IFRD1: variants seen among roughly 807,000 people sequenced by gnomAD.
The protein encoded by IFRD1 is interferon-related developmental regulator 1.
A neutral mutation model predicts 52.9 loss-of-function variants in IFRD1; 35 were observed. That is an observed-to-expected ratio of 0.66 (90% CI 0.51 to 0.88). The LOEUF (loss-of-function observed/expected upper bound fraction) is 0.88, where lower values mean the gene tolerates loss of function less well. IFRD1 is among the 40% of genes least tolerant of loss of function. The probability of loss-of-function intolerance (pLI) is 0.00; values close to 1 mark genes in which losing one functional copy is unlikely to be tolerated. For missense variants in IFRD1, 517 were observed against 550.8 expected, an observed-to-expected ratio of 0.94 and a Z score of 0.61; for synonymous variants, 184 against 188.4, an observed-to-expected ratio of 0.98 and a Z score of 0.19.
At chr7:112,473,645 G>C (rs570522481) in intron 11 of IFRD1, among the ~76,000 whole-genome samples, 3 of 151,932 alleles carry the variant, frequency 2.0e-5, no homozygotes, top group Non-Finnish European at 2.9e-5. Flanking sequence ...GGCTAGTCTC[G>C]AACTCCTGAC....
chr7:112,475,385 AT>A (rs1795874448), intron 11 of IFRD1, 44 bp from the exon 12 acceptor site: 1 of 1,065,236 alleles, frequency 9.4e-7, no homozygotes, highest in African/African-American at 1.6e-5. Flanking sequence ...TTGTAAGAAT[AT>A]CTTAAGTCTT....
chr7:112,428,118 C>A (rs1794467357), intron 1 of IFRD1, among the ~76,000 whole-genome samples: 1 of 152,146 alleles, frequency 6.6e-6, no homozygotes, highest in South Asian at 2.1e-4. Context: ...GAACCAAAAA[C>A]CCAGATGTAA....
intron 1 of IFRD1, among the ~76,000 whole-genome samples, chr7:112,428,020 C>G (rs935189354): frequency 6.6e-6 from 1 of 151,948 alleles, no homozygotes; most frequent in Non-Finnish European, 1.5e-5. Context: ...ATGAAGACCC[C>G]CAGGAAAAGG....
chr7:112,460,925 A>G (rs553425215), intron 5 of IFRD1, among the ~76,000 whole-genome samples: 1 of 152,318 alleles, frequency 6.6e-6, no homozygotes, highest in Admixed American at 6.5e-5. Context: ...TTCTATTTTT[A>G]TATGGATTAA....
At chr7:112,460,954 C>T (rs1416204905) in intron 5 of IFRD1, among the ~76,000 whole-genome samples, 2 of 152,120 alleles carry the variant, frequency 1.3e-5, no homozygotes, top group African/African-American at 2.4e-5. Context: ...AACAAATGTT[C>T]TGAGAATTGA....
rs2117347784 is a variant in IFRD1 at position 112,476,792 on chromosome 7, C to T, written c.*1273C>T. 1 of 152,300 alleles carries T rather than the reference C, an allele frequency of 6.6e-6. No homozygotes were observed. The highest frequency in any genetic ancestry group is 2.1e-4 in the South Asian group (1 of 4,830). 9.4% of individuals were successfully genotyped at this position (152,300 alleles called of 1,614,324 possible). A position where few individuals can be genotyped will look rare whatever the true frequency, so the allele number is the denominator to read the frequency against. On this transcript the variant is annotated 3_prime_UTR_variant, in exon 12 of 12. Coordinates refer to ENST00000403825, the MANE Select transcript of IFRD1 (RefSeq NM_001550.4). ...GTGCAAGCAACATGCCATTTCAAAT[C>T]CGTAGACTTGTTTCTTTGATACTCT...
chr7:112,468,177 T>C (rs1235263646), intron 9 of IFRD1, 62 bp downstream of exon 9: 3 of 1,508,198 alleles, frequency 2.0e-6, no homozygotes, highest in African/African-American at 1.4e-5. Flanking sequence ...CAGGCTGAAC[T>C]TGACAATTGT....
At chr7:112,468,183 A>T (rs1795663769) in intron 9 of IFRD1, 68 bp downstream of exon 9, 3 of 1,497,230 alleles carry the variant, frequency 2.0e-6, no homozygotes, top group Non-Finnish European at 2.8e-6. Context: ...GAACTTGACA[A>T]TTGTACCATT....
At chr7:112,454,892 G>C (rs570393888) in intron 1 of IFRD1, among the ~76,000 whole-genome samples, 9 of 106,512 alleles carry the variant, frequency 8.4e-5, no homozygotes, top group South Asian at 3.2e-4. Flanking sequence ...TTTGAGACAA[G>C]GTCTTGGTCT....
chr7:112,443,591 G>T (rs1446232068), intron 1 of IFRD1, among the ~76,000 whole-genome samples: 1 of 146,644 alleles, frequency 6.8e-6, no homozygotes, highest in African/African-American at 2.5e-5. Context: ...CCCAAAAACG[G>T]CCGAGTGTGG....
rs201535978 is a variant in IFRD1 at position 112,475,263 on chromosome 7, T to G, written c.1267-167T>G. ...GTGAGCCACCTTGCATGGCCCCTGTTAACTCTTTGTTTTTCTCCTTCATTC... is the reference window on the plus strand; with the variant it reads ...GTGAGCCACCTTGCATGGCCCCTGTGAACTCTTTGTTTTTCTCCTTCATTC... On this transcript the variant is annotated intron_variant, in intron 11 of 11. Transcript: ENST00000403825. 1.4e-4 allele frequency among the ~76,000 whole-genome samples: 22 copies of G among 152,326 alleles called. No homozygotes were observed. In the East Asian group the frequency reaches 3.7e-3, roughly 25 times the overall value.
chr7:112,453,368 G>A (rs1205201246), intron 1 of IFRD1, among the ~76,000 whole-genome samples: 1 of 152,118 alleles, frequency 6.6e-6, no homozygotes, highest in African/African-American at 2.4e-5. Context: ...CTCTTTCGTG[G>A]TACTTAGGAT....
Position 112,476,064 on chromosome 7 carries a change from TC to T in IFRD1, c.*546del. 6.5e-6 allele frequency: 1 copy of T among 153,616 alleles called. No homozygotes were observed. The highest frequency in any genetic ancestry group is 2.0e-4 in the South Asian group (1 of 4,924). 9.5% of individuals were successfully genotyped at this position (153,616 alleles called of 1,614,324 possible). A position where few individuals can be genotyped will look rare whatever the true frequency, so the allele number is the denominator to read the frequency against. On this transcript the variant is annotated 3_prime_UTR_variant, in exon 12 of 12. Coordinates refer to ENST00000403825, the MANE Select transcript of IFRD1 (RefSeq NM_001550.4). Reference sequence around the variant, plus strand: ...GCCATTCAGTTCAGCTATTGGGAGTTCATGATGAATTAGCATATGCCAGAAA... The same window carrying T: ...GCCATTCAGTTCAGCTATTGGGAGTTATGATGAATTAGCATATGCCAGAAA...
chr7:112,455,341 C>G (rs1795263271), intron 1 of IFRD1, among the ~76,000 whole-genome samples: 1 of 151,984 alleles, frequency 6.6e-6, no homozygotes, highest in Non-Finnish European at 1.5e-5. Context: ...AAAAATTTGT[C>G]AGGCGTGGTG....
Position 112,475,465 on chromosome 7 carries a change from C to G in IFRD1, c.1302C>G (p.Thr434=). The change falls in exon 12 of 12, where the codon ACC becomes ACG. Residue 434 remains threonine, a synonymous_variant. Coordinates refer to ENST00000403825, the MANE Select transcript of IFRD1 (RefSeq NM_001550.4). ...ACTCTGCAGCCTTCAAAGCTCGAAC[C>G]AAAGCTAGAAGCAAATGTCGAGATA... is the stretch of plus-strand genomic sequence containing the variant. The part of the protein sequence containing the change: ...LYNSAAFKAR[T]KARSKCRDKR... The G allele has an allele frequency of 6.2e-7, 1 of 1,612,672 alleles. No individual in the cohort carries two copies. Among genetic ancestry groups the G allele is most frequent in the South Asian group, 1.1e-5 (1 of 90,920 alleles).
Position 112,455,827 on chromosome 7 carries a change from T to C in IFRD1, c.159T>C (p.His53=), listed in dbSNP as rs2117294177. The C allele has an allele frequency of 1.2e-6, 2 of 1,613,256 alleles. No individual in the cohort carries two copies. The highest frequency in any genetic ancestry group is 8.5e-7 in the Non-Finnish European group (1 of 1,179,198). ...DEDASIETMS[H]CSGYSDPSSF... ...ATGCATCAATTGAAACAATGAGCCA[T>C]TGCAGTGGTTATAGCGATCCTTCCA... Residue 53 remains histidine (H), a synonymous_variant, in exon 2 of 12, where the codon CAT becomes CAC. Transcript: ENST00000403825.
At chr7:112,453,444 C>A (rs905644599) in intron 1 of IFRD1, among the ~76,000 whole-genome samples, 1 of 151,994 alleles carries the variant, frequency 6.6e-6, no homozygotes, top group African/African-American at 2.4e-5. Context: ...TTTCTTGATA[C>A]ATATATATGT....
Position 112,456,080 on chromosome 7 carries a change from A to G in IFRD1, c.278A>G (p.Asp93Gly), listed in dbSNP as rs759302905. The change falls in exon 3 of 12, where the codon GAT (aspartate) becomes GGT (glycine). Residue 93 changes from aspartate (D) to glycine (G), a missense_variant. Physicochemically the swap from Asp to Gly is moderately conservative, Grantham distance 94. Coordinates refer to ENST00000403825, the MANE Select transcript of IFRD1 (RefSeq NM_001550.4). ...KLKGLIDLTL[D>G]KSAKTRQAAL... ...AAGGGATTAATTGACCTAACCCTGG[A>G]TAAGAGGTAGGCAATACTGGAAACT... The G allele has an allele frequency of 7.6e-6, 12 of 1,585,488 alleles. No individual in the cohort carries two copies. Among genetic ancestry groups the G allele is most frequent in the Admixed American group, 6.7e-5 (4 of 59,968 alleles).
intron 11 of IFRD1, among the ~76,000 whole-genome samples, chr7:112,475,146 G>A (rs1795866373): frequency 6.6e-6 from 1 of 151,918 alleles, no homozygotes; most frequent in African/African-American, 2.4e-5. Flanking sequence ...TTTTAGTAGA[G>A]ACGGGATTTC....
Sources: allele counts gnomAD v4.1 joint callset (sites outside exome capture counted in the v4.1 genomes callset), GRCh38; gene constraint gnomAD v4.1.1; transcripts MANE v1.5; gene names NCBI Gene and HGNC (gene_info 2026-07-23, HGNC 2026-07-21).